The following EXOC6 variants were observed in gnomAD, a reference collection of about 807,000 sequenced individuals.
EXOC6 encodes SEC15-like 1.
In EXOC6, 60 loss-of-function variants were observed where a neutral mutation model predicts 112.5. The observed-to-expected ratio is 0.53, with a 90% CI of 0.43 to 0.66. The LOEUF (loss-of-function observed/expected upper bound fraction) is 0.66, where lower values mean the gene tolerates loss of function less well. Ranked by LOEUF, EXOC6 falls within the 30% of genes least tolerant of loss-of-function variation. The probability of loss-of-function intolerance (pLI) is 0.00; values close to 1 mark genes in which losing one functional copy is unlikely to be tolerated. For missense variants in EXOC6, 855 were observed against 957.1 expected, an observed-to-expected ratio of 0.89 and a Z score of 1.41; for synonymous variants, 295 against 308.0, an observed-to-expected ratio of 0.96 and a Z score of 0.44.
intron 4 of EXOC6, among the ~76,000 whole-genome samples, chr10:92,897,723 C>T (rs1849904012): frequency 6.6e-6 from 1 of 152,094 alleles, no homozygotes. Context: ...ATTCACTGGG[C>T]CAGACTAAAT....
At chr10:93,045,406 T>A (rs980550119) in intron 20 of EXOC6, among the ~76,000 whole-genome samples, 16 of 152,240 alleles carry the variant, frequency 1.1e-4, no homozygotes, top group Non-Finnish European at 2.2e-4. Context: ...CTTAGATTCT[T>A]TTGAATTTAG....
intron 1 of EXOC6, among the ~76,000 whole-genome samples, chr10:92,884,476 T>G (rs568754049): frequency 1.3e-5 from 2 of 152,254 alleles, no homozygotes; most frequent in Non-Finnish European, 2.9e-5. Flanking sequence ...ATGTAGCCCC[T>G]GACCATGCTC....
intron 17 of EXOC6, among the ~76,000 whole-genome samples, chr10:92,970,466 T>C (rs1842251489): frequency 1.3e-5 from 2 of 152,230 alleles, no homozygotes. Flanking sequence ...CAGATTTTGG[T>C]ATCCGAGGGA....
intron 17 of EXOC6, among the ~76,000 whole-genome samples, chr10:92,971,109 T>G (rs1842276144): frequency 6.6e-6 from 1 of 152,222 alleles, no homozygotes; most frequent in Non-Finnish European, 1.5e-5. Context: ...TGGAGTGAAG[T>G]GGCGCGATCT....
At chr10:92,898,005 A>C (rs1189717820) in intron 4 of EXOC6, among the ~76,000 whole-genome samples, 1 of 152,114 alleles carries the variant, frequency 6.6e-6, no homozygotes, top group African/African-American at 2.4e-5. Context: ...TTCTACATTG[A>C]CTGAGACCTG....
chr10:92,837,396 T>C (rs1251879841), intron 1 of EXOC6, among the ~76,000 whole-genome samples: 1 of 152,204 alleles, frequency 6.6e-6, no homozygotes, highest in Non-Finnish European at 1.5e-5. Context: ...TCTGGCTACA[T>C]GCAGTGGCTC....
intron 18 of EXOC6, among the ~76,000 whole-genome samples, chr10:92,994,343 A>C (rs1280377013): frequency 6.6e-5 from 10 of 152,226 alleles, no homozygotes; most frequent in Non-Finnish European, 1.0e-4. Context: ...TCGGTAATGC[A>C]AAAAGGATCT....
Position 92,952,278 on chromosome 10 carries a change from T to C in EXOC6, c.1422T>C (p.Ser474=). 1 of 1,595,856 alleles carries C rather than the reference T, an allele frequency of 6.3e-7. No individual in the cohort carries two copies. The highest frequency in any genetic ancestry group is 8.6e-7 in the Non-Finnish European group (1 of 1,167,762). Residue 474 remains serine, a synonymous_variant, in exon 15 of 22, where the codon TCT becomes TCC. Coordinates refer to ENST00000260762, the MANE Select transcript of EXOC6 (RefSeq NM_019053.6). ...PFQDPDLEKQ[S]FPKKFPMSQS... ...TTAACTTTCTTTTTCTACAGCAGTCTTTCCCAAAGAAATTCCCCATGTCTC... is the reference window on the plus strand; with the variant it reads ...TTAACTTTCTTTTTCTACAGCAGTCCTTCCCAAAGAAATTCCCCATGTCTC...
intron 1 of EXOC6, among the ~76,000 whole-genome samples, chr10:92,857,622 G>A (rs1847664540): frequency 6.6e-6 from 1 of 152,074 alleles, no homozygotes; most frequent in Non-Finnish European, 1.5e-5. Flanking sequence ...ATTGTCCATT[G>A]TATTACATAT....
chr10:92,948,010 A>T (rs1853141378), intron 13 of EXOC6, among the ~76,000 whole-genome samples: 1 of 151,526 alleles, frequency 6.6e-6, no homozygotes, highest in African/African-American at 2.4e-5. Flanking sequence ...CTTGAGAATT[A>T]TTCTAGAATG....
chr10:92,892,595 A>G (rs1050900677), intron 1 of EXOC6, among the ~76,000 whole-genome samples: 1 of 152,228 alleles, frequency 6.6e-6, no homozygotes, highest in African/African-American at 2.4e-5. Context: ...AAAGCCTTCC[A>G]GGTAAACAAA....
At chr10:92,833,821 A>C (rs1846567609), upstream of EXOC6, among the ~76,000 whole-genome samples, 1 of 152,170 alleles carries the variant, frequency 6.6e-6, no homozygotes, top group African/African-American at 2.4e-5. Flanking sequence ...TGGTAATGGG[A>C]AATACATGCC....
At chr10:92,975,576 G>GC (rs1397464766) in intron 18 of EXOC6, among the ~76,000 whole-genome samples, 2 of 146,296 alleles carry the variant, frequency 1.4e-5, no homozygotes, top group Non-Finnish European at 3.0e-5. Flanking sequence ...GGGGGGATCA[G>GC]CCCCCTGCCC....
upstream of EXOC6, chr10:92,834,578 C>A: frequency 1.8e-6 from 1 of 540,684 alleles, no homozygotes. Context: ...ACTTTTATAG[C>A]ATGAAGTCAG....
chr10:92,983,372 A>G (rs1313053793), intron 18 of EXOC6, among the ~76,000 whole-genome samples: 1 of 152,138 alleles, frequency 6.6e-6, no homozygotes, highest in Non-Finnish European at 1.5e-5. Flanking sequence ...TGGTTATCTT[A>G]TTAAAAAACA....
At chr10:92,899,545 T>C (rs1010551200) in intron 4 of EXOC6, 54 bp from the exon 5 acceptor site, 87 of 1,262,462 alleles carry the variant, frequency 6.9e-5, no homozygotes, top group Non-Finnish European at 9.2e-5. Flanking sequence ...TTTTCATGTC[T>C]CAAAATATTT....
Position 92,940,831 on chromosome 10 carries a change from C to T in EXOC6, c.1310+7C>T, listed in dbSNP as rs1564847257. The stretch of plus-strand genomic sequence containing the variant: ...AATGGGCTGGAGTTTTCAGGTTAGT[C>T]TAAGTCATGGTGCCTTAATATAATG... On this transcript the variant is annotated splice_region_variant and intron_variant, in intron 13 of 21. Transcript: ENST00000260762. 4 of 1,568,548 alleles carry T rather than the reference C, an allele frequency of 2.6e-6. No individual in the cohort carries two copies. The highest frequency in any genetic ancestry group is 4.5e-5 in the East Asian group (2 of 44,548).
upstream of EXOC6, among the ~76,000 whole-genome samples, chr10:92,833,681 C>G (rs1846563499): frequency 6.6e-6 from 1 of 151,724 alleles, no homozygotes; most frequent in Non-Finnish European, 1.5e-5. Flanking sequence ...TTAAAAAAGT[C>G]TGATAAAAAC....
At chr10:92,896,492 C>T (rs951999977) in intron 4 of EXOC6, among the ~76,000 whole-genome samples, 5 of 150,586 alleles carry the variant, frequency 3.3e-5, no homozygotes, top group South Asian at 4.2e-4. Flanking sequence ...CCACTGCACC[C>T]GCTATATGCT....
Sources: allele counts gnomAD v4.1 joint callset (sites outside exome capture counted in the v4.1 genomes callset), GRCh38; gene constraint gnomAD v4.1.1; transcripts MANE v1.5; gene names NCBI Gene and HGNC (gene_info 2026-07-23, HGNC 2026-07-21).